The following FGF12 variants were observed in gnomAD, a reference collection of about 807,000 sequenced individuals.
The protein encoded by FGF12 is fibroblast growth factor 12.
A neutral mutation model predicts 23.6 loss-of-function variants in FGF12; 14 were observed. The ratio of observed to expected loss-of-function variants is 0.59; its 90% confidence interval spans 0.39 to 0.93. The LOEUF (loss-of-function observed/expected upper bound fraction) is 0.93. FGF12 is among the 40% of genes least tolerant of loss of function. The pLI, the probability that FGF12 is intolerant of heterozygous loss-of-function variation, is 0.00. For synonymous variants in FGF12, 62 were observed against 77.3 expected (o/e 0.80, Z 1.04); for missense variants, 175 against 217.8 (o/e 0.80, Z 1.24).
chr3:192,322,522 A>ACACACACACACACACACACACC (rs1560068957), intron 4 of FGF12, among the ~76,000 whole-genome samples: 4 of 148,436 alleles, frequency 2.7e-5, no homozygotes, highest in African/African-American at 1.0e-4. Context: ...ACACACACAC[A>ACACACACACACACACACACACC]CCCCAGAATG....
At chr3:192,373,960 A>C (rs1254102412) in intron 2 of FGF12, among the ~76,000 whole-genome samples, 1 of 152,218 alleles carries the variant, frequency 6.6e-6, no homozygotes, top group Non-Finnish European at 1.5e-5. Context: ...AAACTTATGG[A>C]GACGGTCAGC....
intron 2 of FGF12, among the ~76,000 whole-genome samples, chr3:192,634,748 AC>A (rs1715517597): frequency 6.6e-6 from 1 of 152,208 alleles, no homozygotes; most frequent in East Asian, 1.9e-4. Context: ...AACTTAAATT[AC>A]TTAAAATTAA....
chr3:192,193,260 C>T (rs1196929489), intron 4 of FGF12, among the ~76,000 whole-genome samples: 1 of 152,154 alleles, frequency 6.6e-6, no homozygotes, highest in Non-Finnish European at 1.5e-5. Context: ...TAAAATATGA[C>T]TCCAATAAAG....
At chr3:192,406,310 G>A (rs1720955640) in intron 2 of FGF12, among the ~76,000 whole-genome samples, 1 of 151,568 alleles carries the variant, frequency 6.6e-6, no homozygotes, top group Non-Finnish European at 1.5e-5. Context: ...TTATTATCTT[G>A]TTTTTTAGAA....
At chr3:192,607,904 C>T (rs574003220) in intron 2 of FGF12, among the ~76,000 whole-genome samples, 1 of 150,084 alleles carries the variant, frequency 6.7e-6, no homozygotes, top group African/African-American at 2.4e-5. Flanking sequence ...TGAGCACTTA[C>T]TTTGAGCCAG....
chr3:192,599,821 A>G (rs1714033475), intron 2 of FGF12, among the ~76,000 whole-genome samples: 1 of 152,116 alleles, frequency 6.6e-6, no homozygotes, highest in Non-Finnish European at 1.5e-5. Context: ...ATGTTTTAAA[A>G]ATAAAGTATC....
chr3:192,591,935 A>G lies in FGF12; in HGVS notation c.13+135246T>C, dbSNP rs746230632. On this transcript the variant is annotated intron_variant, in intron 2 of 5. Coordinates refer to ENST00000445105, the MANE Select transcript of FGF12 (RefSeq NM_004113.6). ...ATTTTTTTTCTTTTTTTGCCACAGT[A>G]CATAATCTCAGTGGTTTAACCAGAA... Among the ~76,000 whole-genome samples, 6 of 151,756 alleles carry G rather than the reference A, an allele frequency of 4.0e-5. No individual in the cohort carries two copies. The East Asian group carries it at 1.2e-3, about 29-fold the overall frequency.
chr3:192,553,471 T>C (rs1324254164), intron 2 of FGF12, among the ~76,000 whole-genome samples: 1 of 152,024 alleles, frequency 6.6e-6, no homozygotes, highest in Non-Finnish European at 1.5e-5. Flanking sequence ...TAAAAATAAA[T>C]AAAGCAGCAC....
intron 5 of FGF12, among the ~76,000 whole-genome samples, chr3:192,150,089 G>GT (rs1340888123): frequency 6.9e-5 from 5 of 72,064 alleles, no homozygotes; most frequent in Non-Finnish European, 1.2e-4. Flanking sequence ...TTTTTCATGT[G>GT]TTTTTTGGCT....
intron 4 of FGF12, among the ~76,000 whole-genome samples, chr3:192,327,626 C>T (rs1053513993): frequency 6.6e-6 from 1 of 151,656 alleles, no homozygotes. Context: ...GATAAGTGTG[C>T]TAAGCACATC....
At chr3:192,709,416 T>C (rs556975070) in intron 2 of FGF12, among the ~76,000 whole-genome samples, 1 of 152,320 alleles carries the variant, frequency 6.6e-6, no homozygotes, top group South Asian at 2.1e-4. Context: ...GTCTTTAAAA[T>C]CAGTATGTCC....
intron 2 of FGF12, among the ~76,000 whole-genome samples, chr3:192,585,939 A>G (rs1266668449): frequency 7.9e-5 from 12 of 152,250 alleles, no homozygotes; most frequent in Admixed American, 7.8e-4. Context: ...ATACAGTAGT[A>G]GCAGTAATAA....
intron 2 of FGF12, among the ~76,000 whole-genome samples, chr3:192,519,151 C>G (rs1724752154): frequency 6.6e-6 from 1 of 152,166 alleles, no homozygotes; most frequent in Admixed American, 6.5e-5. Context: ...CTCTCACCAG[C>G]TATGCAGCTC....
chr3:192,701,552 C>T (rs1048921018), intron 2 of FGF12, among the ~76,000 whole-genome samples: 2 of 152,022 alleles, frequency 1.3e-5, no homozygotes, highest in African/African-American at 4.8e-5. Context: ...AAAACAGCAA[C>T]CAAGAGAATT....
chr3:192,269,378 A>G (rs1418511596), intron 4 of FGF12, among the ~76,000 whole-genome samples: 2 of 152,192 alleles, frequency 1.3e-5, no homozygotes, highest in African/African-American at 4.8e-5. Context: ...GATGTAATCA[A>G]TGTAGATACA....
At chr3:192,161,448 A>T (rs6444629) in intron 5 of FGF12, among the ~76,000 whole-genome samples, 1 of 151,734 alleles carries the variant, frequency 6.6e-6, no homozygotes, top group Non-Finnish European at 1.5e-5. Flanking sequence ...ATACACACAC[A>T]CACACAACTG....
chr3:192,712,648 T>C (rs1028950006), intron 2 of FGF12, among the ~76,000 whole-genome samples: 41 of 152,116 alleles, frequency 2.7e-4, no homozygotes, highest in Admixed American at 1.1e-3. Flanking sequence ...TAGAATTCTA[T>C]ACCTAACCAC....
chr3:192,417,500 T>C (rs1034903883), intron 2 of FGF12, among the ~76,000 whole-genome samples: 6 of 152,134 alleles, frequency 3.9e-5, no homozygotes, highest in African/African-American at 1.4e-4. Context: ...TGTAAGCATG[T>C]GTTGATTTTT....
intron 4 of FGF12, among the ~76,000 whole-genome samples, chr3:192,240,655 CT>C (rs1489981445): frequency 1.3e-5 from 2 of 152,144 alleles, no homozygotes; most frequent in Non-Finnish European, 2.9e-5. Context: ...TATTCTGTTC[CT>C]TTTCCAGTCC....
Sources: allele counts gnomAD v4.1 joint callset (sites outside exome capture counted in the v4.1 genomes callset), GRCh38; gene constraint gnomAD v4.1.1; transcripts MANE v1.5; gene names NCBI Gene and HGNC (gene_info 2026-07-23, HGNC 2026-07-21).